AK4: variants seen among roughly 807,000 people sequenced by gnomAD.
AK4 encodes the protein adenylate kinase 4, also known as adenylate kinase 4, mitochondrial.
Under a neutral mutation model 24.6 loss-of-function variants are expected in AK4, and 13 were observed. The ratio of observed to expected loss-of-function variants is 0.53; its 90% CI spans 0.34 to 0.84. The LOEUF (loss-of-function observed/expected upper bound fraction) is 0.84, where lower values mean the gene tolerates loss of function less well. Among genes scored for constraint, AK4 ranks in the 40% least tolerant of loss-of-function variants. The probability of loss-of-function intolerance (pLI) is 0.01; values close to 1 mark genes in which losing one functional copy is unlikely to be tolerated. For missense variants in AK4, 192 were observed against 288.2 expected (o/e 0.67, Z 2.42); for synonymous variants, 88 against 107.0 (o/e 0.82, Z 1.10).
intron 2 of AK4, among the ~76,000 whole-genome samples, chr1:65,210,305 G>T (rs1651931893): frequency 6.6e-6 from 1 of 152,076 alleles, no homozygotes; most frequent in African/African-American, 2.4e-5. Context: ...CCTGAAAGTG[G>T]CACTCTTTGA....
intron 1 of AK4, among the ~76,000 whole-genome samples, chr1:65,176,905 T>A (rs777111480): frequency 6.6e-6 from 1 of 152,200 alleles, no homozygotes; most frequent in African/African-American, 2.4e-5. Context: ...AAAAAGGTAT[T>A]GTCCCTTGAT....
At chr1:65,203,738 G>T (rs1651733691) in intron 2 of AK4, among the ~76,000 whole-genome samples, 2 of 152,100 alleles carry the variant, frequency 1.3e-5, no homozygotes, top group Admixed American at 1.3e-4. Flanking sequence ...CTGGGAGGCG[G>T]AGGTTGCAGT....
intron 1 of AK4, among the ~76,000 whole-genome samples, chr1:65,183,418 T>C (rs1315873037): frequency 2.6e-5 from 4 of 152,068 alleles, no homozygotes; most frequent in Non-Finnish European, 5.9e-5. Context: ...GCCCAGCTAA[T>C]TTTTTGTATT....
At chr1:65,218,231 C>T (rs879791900) in intron 2 of AK4, among the ~76,000 whole-genome samples, 1 of 152,032 alleles carries the variant, frequency 6.6e-6, no homozygotes, top group Admixed American at 6.6e-5. Flanking sequence ...AGAACCTACT[C>T]ATAAATGGCT....
At chr1:65,186,569 A>T (rs1651107983) in intron 1 of AK4, among the ~76,000 whole-genome samples, 1 of 152,252 alleles carries the variant, frequency 6.6e-6, no homozygotes, top group Non-Finnish European at 1.5e-5. Context: ...GTGAATGAAC[A>T]AATACCTCAA....
At chr1:65,191,927 A>G (rs1403772062) in intron 2 of AK4, among the ~76,000 whole-genome samples, 1 of 152,168 alleles carries the variant, frequency 6.6e-6, no homozygotes, top group Non-Finnish European at 1.5e-5. Context: ...CATTCATAAG[A>G]GAGTGGATTG....
chr1:65,186,356 T>C (rs1651100506), intron 1 of AK4, among the ~76,000 whole-genome samples: 1 of 152,160 alleles, frequency 6.6e-6, no homozygotes, highest in African/African-American at 2.4e-5. Context: ...CTCAAACTCC[T>C]GGCCATAAGT....
chr1:65,169,504 A>G (rs375063368), intron 1 of AK4, among the ~76,000 whole-genome samples: 1 of 152,108 alleles, frequency 6.6e-6, no homozygotes, highest in African/African-American at 2.4e-5. Flanking sequence ...CTCATTTGTA[A>G]ATGAGAGTAA....
rs926719538 is a variant in AK4 at position 65,229,034 on chromosome 1, G to A, written c.*2857G>A. The A allele has an allele frequency of 6.6e-6, 1 of 152,138 alleles. No homozygotes were observed. The highest frequency in any genetic ancestry group is 1.5e-5 in the Non-Finnish European group (1 of 68,038). The allele number at this position is 152,138 out of a possible 1,614,324, so 9.4% of individuals were successfully genotyped here. A position where few individuals can be genotyped will look rare whatever the true frequency, so the allele number is the denominator to read the frequency against. On this transcript the variant is annotated 3_prime_UTR_variant, in exon 5 of 5. Coordinates refer to ENST00000327299, the MANE Select transcript of AK4 (RefSeq NM_013410.4). The stretch of plus-strand genomic sequence containing the variant: ...AATCTTTCTAGCATCCTGTGAAACA[G>A]CCATGATTTCACGTTGATAAACAAA...
chr1:65,187,130 C>A (rs771159519), intron 1 of AK4, among the ~76,000 whole-genome samples: 14 of 151,572 alleles, frequency 9.2e-5, no homozygotes, highest in Admixed American at 3.9e-4. Flanking sequence ...GAGGCTGAGG[C>A]GGGCGGATCA....
chr1:65,166,088 T>A (rs1289481068), intron 1 of AK4: 1 of 152,246 alleles, frequency 6.6e-6, no homozygotes, highest in African/African-American at 2.4e-5. Flanking sequence ...GGCATAACTC[T>A]GCCTCCACCT....
intron 1 of AK4, among the ~76,000 whole-genome samples, chr1:65,152,465 C>T (rs1231055659): frequency 7.5e-6 from 1 of 134,002 alleles, no homozygotes; most frequent in Non-Finnish European, 1.5e-5. Context: ...TGCAGTGGCA[C>T]AGTCTCGGCT....
At position 65,227,458 on chromosome 1, in the gene AK4, C is replaced by T. The variant is rs979350172; in HGVS notation, c.*1281C>T. 3 of 152,290 alleles carry T rather than the reference C, an allele frequency of 2.0e-5. No individual in the cohort carries two copies. Among genetic ancestry groups the T allele is most frequent in the Non-Finnish European group, 4.4e-5 (3 of 67,980 alleles). 9.4% of individuals were successfully genotyped at this position (152,290 alleles called of 1,614,324 possible). ...CTAGAATTAGATACTAATATTTTGT[C>T]ATTCATTATAACATATCAATAAACC... On this transcript the variant is annotated 3_prime_UTR_variant, in exon 5 of 5. Transcript: ENST00000327299.
intron 1 of AK4, among the ~76,000 whole-genome samples, chr1:65,150,740 A>G (rs1197642752): frequency 6.6e-6 from 1 of 152,214 alleles, no homozygotes; most frequent in African/African-American, 2.4e-5. Flanking sequence ...AAGCACAACA[A>G]AAACCCAGGA....
chr1:65,176,336 A>G (rs1417473274), intron 1 of AK4, among the ~76,000 whole-genome samples: 1 of 152,150 alleles, frequency 6.6e-6, no homozygotes, highest in Non-Finnish European at 1.5e-5. Context: ...CTAAGTGAAT[A>G]TAAATATCCA....
At chr1:65,184,111 A>G (rs1651007690) in intron 1 of AK4, among the ~76,000 whole-genome samples, 1 of 152,224 alleles carries the variant, frequency 6.6e-6, no homozygotes, top group South Asian at 2.1e-4. Flanking sequence ...TTGAAAATAT[A>G]TATTTCTCAA....
chr1:65,172,095 A>ATATATATATATATG (rs1557444558), intron 1 of AK4, among the ~76,000 whole-genome samples: 2 of 113,712 alleles, frequency 1.8e-5, no homozygotes, highest in Non-Finnish European at 3.8e-5. Context: ...ATATATATAT[A>ATATATATATATATG]TATATATATT....
chr1:65,197,382 G>A (rs192670704), intron 2 of AK4, among the ~76,000 whole-genome samples: 1 of 152,092 alleles, frequency 6.6e-6, no homozygotes, highest in African/African-American at 2.4e-5. Flanking sequence ...TCAAAGTTTG[G>A]TTTTGTAGAA....
intron 3 of AK4, among the ~76,000 whole-genome samples, chr1:65,220,666 G>A (rs547985378): frequency 1.3e-5 from 2 of 152,230 alleles, no homozygotes; most frequent in East Asian, 3.9e-4. Flanking sequence ...AGTAAAGACA[G>A]GGTTTCACTA....
Sources: allele counts gnomAD v4.1 joint callset (sites outside exome capture counted in the v4.1 genomes callset), GRCh38; gene constraint gnomAD v4.1.1; transcripts MANE v1.5; gene names NCBI Gene and HGNC (gene_info 2026-07-23, HGNC 2026-07-21).